CUX1: variants seen among roughly 807,000 people sequenced by gnomAD.
CUX1 encodes protein CASP.
CUX1 carries 31 observed loss-of-function variants against 158.8 expected under a neutral mutation model. The observed-to-expected ratio is 0.20, with a 90% CI of 0.15 to 0.26. CUX1 has a LOEUF of 0.26. Among genes scored for constraint, CUX1 ranks in the 10% least tolerant of loss-of-function variants. CUX1 has a pLI of 1.00. For synonymous variants in CUX1, 879 were observed against 862.1 expected (o/e 1.02, Z -0.34); for missense variants, 1,589 against 2,014.6 (o/e 0.79, Z 4.04).
intron 2 of CUX1, among the ~76,000 whole-genome samples, chr7:102,026,769 G>A (rs555827780): frequency 7.0e-6 from 1 of 141,922 alleles, no homozygotes; most frequent in Admixed American, 7.5e-5. Context: ...GCAGTAAGCC[G>A]AGATCTCGCC....
chr7:102,002,588 A>G lies in CUX1; in HGVS notation c.142-25510A>G, dbSNP rs375284947. 5.8e-3 allele frequency among the ~76,000 whole-genome samples: 882 copies of G among 152,306 alleles called. 16 individuals are homozygous for G. Among genetic ancestry groups the G allele is most frequent in the African/African-American group, 0.021 (857 of 41,570 alleles). On this transcript the variant is annotated intron_variant, in intron 2 of 23. Coordinates refer to ENST00000292535, the MANE Select transcript of CUX1 (RefSeq NM_181552.4). ...CCCCTCCCTGCCCTGGCATTGGTAC[A>G]AGGGGGCCTTGCTGTTGGACCACAG...
At chr7:102,080,761 C>A (rs1475971529) in intron 4 of CUX1, among the ~76,000 whole-genome samples, 1 of 152,184 alleles carries the variant, frequency 6.6e-6, no homozygotes. Flanking sequence ...TCTCACAGGA[C>A]CTCTCTGCAC....
chr7:101,905,066 C>T (rs1318597869), intron 1 of CUX1, among the ~76,000 whole-genome samples: 1 of 152,100 alleles, frequency 6.6e-6, no homozygotes, highest in Non-Finnish European at 1.5e-5. Context: ...CTGGATCACT[C>T]AGCTGGGGAG....
chr7:102,226,042 G>A (rs552701789), intron 20 of CUX1, among the ~76,000 whole-genome samples: 24 of 152,368 alleles, frequency 1.6e-4, no homozygotes, highest in Admixed American at 7.8e-4. Context: ...CAGAAATTAG[G>A]AAATGGTCTA....
chr7:102,247,146 A>T (rs1463975186), intron 23 of CUX1, among the ~76,000 whole-genome samples: 1 of 151,936 alleles, frequency 6.6e-6, no homozygotes, highest in Non-Finnish European at 1.5e-5. Flanking sequence ...GGGAGCTATG[A>T]TCACACCACT....
intron 3 of CUX1, among the ~76,000 whole-genome samples, chr7:102,048,539 A>C (rs1823105766): frequency 6.6e-6 from 1 of 152,174 alleles, no homozygotes; most frequent in Non-Finnish European, 1.5e-5. Context: ...AATTTTCAAA[A>C]AAAAATCAGC....
chr7:101,879,144 A>T (rs1046768507), intron 1 of CUX1, among the ~76,000 whole-genome samples: 1 of 152,174 alleles, frequency 6.6e-6, no homozygotes, highest in Admixed American at 6.5e-5. Context: ...TTTCAAGCAT[A>T]TCTTGAGGAC....
intron 2 of CUX1, among the ~76,000 whole-genome samples, chr7:101,994,990 A>G (rs1403702771): frequency 1.3e-5 from 2 of 151,836 alleles, no homozygotes; most frequent in African/African-American, 4.8e-5. Flanking sequence ...TCAGTTATTT[A>G]GAAGGCCGAG....
At chr7:102,226,636 C>T (rs1255315329) in intron 20 of CUX1, among the ~76,000 whole-genome samples, 2 of 151,722 alleles carry the variant, frequency 1.3e-5, no homozygotes, top group African/African-American at 2.4e-5. Flanking sequence ...TGTTTTTTTT[C>T]TTTTTTGAGA....
At chr7:102,152,923 G>T (rs1464719960) in intron 8 of CUX1, among the ~76,000 whole-genome samples, 2 of 152,202 alleles carry the variant, frequency 1.3e-5, no homozygotes, top group Non-Finnish European at 2.9e-5. Flanking sequence ...GTCATGAAAG[G>T]TAAGTGCAGT....
chr7:101,977,868 A>T (rs903209352), intron 2 of CUX1, among the ~76,000 whole-genome samples: 1 of 152,186 alleles, frequency 6.6e-6, no homozygotes, highest in Non-Finnish European at 1.5e-5. Context: ...GCATGGTTAT[A>T]TATGGGGGGT....
chr7:101,958,359 C>T (rs181711185), intron 2 of CUX1, among the ~76,000 whole-genome samples: 12 of 100,720 alleles, frequency 1.2e-4, no homozygotes, highest in Admixed American at 2.0e-4. Context: ...GATGTGGGCC[C>T]GGCCTGAAGC....
At chr7:101,949,813 T>C (rs1271090761) in intron 2 of CUX1, among the ~76,000 whole-genome samples, 1 of 151,604 alleles carries the variant, frequency 6.6e-6, no homozygotes, top group Non-Finnish European at 1.5e-5. Context: ...ATTACAGGCA[T>C]GAGCCACCAC....
chr7:101,934,369 G>A (rs1806672953), intron 2 of CUX1, among the ~76,000 whole-genome samples: 1 of 152,180 alleles, frequency 6.6e-6, no homozygotes, highest in Non-Finnish European at 1.5e-5. Context: ...TATCAGAGAT[G>A]TTTATTCTGG....
chr7:102,062,870 C>T (rs1375348097), intron 3 of CUX1, among the ~76,000 whole-genome samples: 3 of 151,940 alleles, frequency 2.0e-5, no homozygotes, highest in Admixed American at 6.5e-5. Context: ...TTTGGGAGGC[C>T]GAGGCGGGCG....
intron 3 of CUX1, among the ~76,000 whole-genome samples, chr7:102,068,179 A>G (rs1825756596): frequency 6.6e-6 from 1 of 151,796 alleles, no homozygotes; most frequent in Non-Finnish European, 1.5e-5. Flanking sequence ...GCAGCCTCGA[A>G]CTGCTAGGCT....
intron 8 of CUX1, among the ~76,000 whole-genome samples, chr7:102,157,142 G>A (rs923891899): frequency 2.6e-5 from 4 of 152,232 alleles, no homozygotes; most frequent in South Asian, 2.1e-4. Flanking sequence ...AAAGAGTGGC[G>A]GGTAAGGCCA....
intron 9 of CUX1, among the ~76,000 whole-genome samples, chr7:102,166,329 G>A (rs1554508753): frequency 6.6e-6 from 1 of 152,160 alleles, no homozygotes; most frequent in Admixed American, 6.5e-5. Flanking sequence ...CCAGGACAGT[G>A]CTCAGGCTTG....
chr7:102,026,023 A>T (rs1223462926), intron 2 of CUX1, among the ~76,000 whole-genome samples: 2 of 152,144 alleles, frequency 1.3e-5, no homozygotes, highest in Admixed American at 1.3e-4. Context: ...ACAAAAAAAT[A>T]AGAAAATTAG....
Sources: gnomAD v4.1 joint callset for allele counts (sites outside exome capture counted in the v4.1 genomes callset) on GRCh38, gnomAD v4.1.1 for gene constraint, MANE v1.5 for transcripts, NCBI Gene and HGNC (gene_info 2026-07-23, HGNC 2026-07-21) for gene names.